Variants in ARHGEF10 observed in about 807,000 individuals in gnomAD.
ARHGEF10 encodes the protein Rho guanine nucleotide exchange factor (GEF) 10.
ARHGEF10 carries 140 observed loss-of-function variants against 147.4 expected under a neutral mutation model. The ratio of observed to expected loss-of-function variants is 0.95; its 90% CI spans 0.83 to 1.09. The LOEUF is 1.09. ARHGEF10 is among the 50% of genes least tolerant of loss of function. The pLI is 0.00. For synonymous variants in ARHGEF10, 902 were observed against 695.8 expected (o/e 1.30, Z -4.67); for missense variants, 2,222 against 1,752.7 (o/e 1.27, Z -4.78).
At chr8:1,877,923 G>A (rs1015883292) in intron 8 of ARHGEF10, among the ~76,000 whole-genome samples, 3 of 152,006 alleles carry the variant, frequency 2.0e-5, no homozygotes, top group East Asian at 3.9e-4. Flanking sequence ...TTATCCCTCC[G>A]GTCCCCTAGT....
intron 2 of ARHGEF10, among the ~76,000 whole-genome samples, chr8:1,849,864 C>T (rs565647286): frequency 2.1e-5 from 3 of 139,580 alleles, no homozygotes; most frequent in African/African-American, 8.7e-5. Flanking sequence ...ACACAGACAG[C>T]AAATGCTGAG....
At chr8:1,881,822 G>C (rs1330531785) in intron 9 of ARHGEF10, among the ~76,000 whole-genome samples, 1 of 152,230 alleles carries the variant, frequency 6.6e-6, no homozygotes, top group Non-Finnish European at 1.5e-5. Context: ...TGCACTGCTG[G>C]TCCCTTTGAG....
In ARHGEF10 at chr8:1,944,909, G is replaced by A. The variant is rs527944681; in HGVS notation, c.3223-572G>A. ...TGGCTGTGGGGTGACGAGGGCCCAG[G>A]CCCAGGCACCCGTGGGACCCCTCAG... On this transcript the variant is annotated intron_variant, in intron 26 of 28. Transcript: ENST00000349830. 1.9e-3 allele frequency among the ~76,000 whole-genome samples: 282 copies of A among 152,362 alleles called. 1 individual carries two copies. The highest frequency in any genetic ancestry group is 3.4e-3 in the Non-Finnish European group (232 of 68,034).
intron 8 of ARHGEF10, 44 bp from the exon 9 acceptor site, chr8:1,880,004 A>G (rs747417882): frequency 1.4e-6 from 2 of 1,412,294 alleles, no homozygotes; most frequent in South Asian, 2.3e-5. Context: ...CAAAGAACCA[A>G]AAAGAGCCTT....
intron 16 of ARHGEF10, 183 bp downstream of exon 16, chr8:1,903,634 A>T: frequency 1.4e-6 from 1 of 696,238 alleles, no homozygotes; most frequent in Non-Finnish European, 2.4e-6. Flanking sequence ...TGTATGTAAA[A>T]CCTTAACAGC....
intron 1 of ARHGEF10, among the ~76,000 whole-genome samples, chr8:1,824,969 T>C: frequency 1.8e-5 from 1 of 56,116 alleles, no homozygotes; most frequent in African/African-American, 8.0e-5. Flanking sequence ...ACCCCACCTG[T>C]CCCCTCGCAC....
intron 28 of ARHGEF10, among the ~76,000 whole-genome samples, chr8:1,955,321 C>A (rs1483805008): frequency 6.8e-6 from 1 of 146,178 alleles, no homozygotes; most frequent in African/African-American, 2.5e-5. Context: ...CTAGGTGCTC[C>A]CTAAAAGGAG....
chr8:1,832,546 G>T (rs1338963108), intron 1 of ARHGEF10, among the ~76,000 whole-genome samples: 1 of 107,118 alleles, frequency 9.3e-6, no homozygotes, highest in South Asian at 3.3e-4. Flanking sequence ...AGAGGCAGAG[G>T]CAGAGACAGA....
intron 1 of ARHGEF10, 46 bp from the exon 2 acceptor site, chr8:1,843,307 G>A (rs779430841): frequency 2.1e-5 from 31 of 1,509,908 alleles, no homozygotes; most frequent in African/African-American, 5.5e-5. Flanking sequence ...TTGAGTGCAT[G>A]TTTATCCACC....
intron 11 of ARHGEF10, among the ~76,000 whole-genome samples, chr8:1,891,972 A>G (rs1809565027): frequency 6.7e-6 from 1 of 149,232 alleles, no homozygotes; most frequent in African/African-American, 2.4e-5. Flanking sequence ...TATAAATAAT[A>G]CATATACATA....
intron 27 of ARHGEF10, among the ~76,000 whole-genome samples, chr8:1,950,104 C>T (rs1000522425): frequency 2.0e-5 from 3 of 152,156 alleles, no homozygotes; most frequent in Admixed American, 6.5e-5. Flanking sequence ...CCACTTCACA[C>T]GTGTAACCCA....
At position 1,876,715 on chromosome 8, in the gene ARHGEF10, G is replaced by A. The variant is rs145821459; in HGVS notation, c.824G>A (p.Arg275His). Residue 275 changes from arginine to histidine, a missense_variant, in exon 8 of 29, where the codon CGC becomes CAC. Arg to His is a conservative substitution (Grantham distance 29, BLOSUM62 0). Coordinates refer to ENST00000349830, the MANE Select transcript of ARHGEF10 (RefSeq NM_014629.4). The part of the protein sequence containing the change: ...CKNGIPRSFL[R>H]SNHKKQLSHD... The stretch of plus-strand genomic sequence containing the variant: ...AATGGGATTCCCAGGTCCTTCCTGC[G>A]CAGCAACCACAAAAAGCAAGTACGT... The A allele has an allele frequency of 4.7e-4, 765 of 1,614,170 alleles. 5 individuals carry two copies. In the East Asian group the frequency reaches 0.014, roughly 30 times the overall value.
intron 2 of ARHGEF10, among the ~76,000 whole-genome samples, chr8:1,853,289 A>G (rs751526537): frequency 2.4e-4 from 37 of 152,142 alleles, no homozygotes; most frequent in Non-Finnish European, 1.0e-4. Flanking sequence ...GCCTACCCAG[A>G]GCGCCGGGCC....
chr8:1,958,118 C>T lies in ARHGEF10; in HGVS notation c.*855C>T, dbSNP rs1815721900. 1 of 152,228 alleles carries T rather than the reference C, an allele frequency of 6.6e-6. No homozygotes were observed. Among genetic ancestry groups the T allele is most frequent in the African/African-American group, 2.4e-5 (1 of 41,448 alleles). 9.4% of individuals were successfully genotyped at this position (152,228 alleles called of 1,614,324 possible). A position where few individuals can be genotyped will look rare whatever the true frequency, so the allele number is the denominator to read the frequency against. On this transcript the variant is annotated 3_prime_UTR_variant, in exon 29 of 29. Transcript: ENST00000349830. ...ATAGGCAGAGAAGTCTTGCTTAGTT[C>T]CTTCGTGCAGCTTCTTGCCCCTGTT... is the stretch of plus-strand genomic sequence containing the variant.
chr8:1,860,338 CTCCA>C (rs1330823388), intron 4 of ARHGEF10, among the ~76,000 whole-genome samples, 154 bp downstream of exon 4: 7 of 148,504 alleles, frequency 4.7e-5, no homozygotes, highest in South Asian at 2.2e-4. Context: ...TCCTCCTCCT[CTCCA>C]TGCCCCCGAT....
intron 15 of ARHGEF10, among the ~76,000 whole-genome samples, chr8:1,902,006 A>G (rs564281711): frequency 6.6e-6 from 1 of 152,006 alleles, no homozygotes; most frequent in African/African-American, 2.4e-5. Flanking sequence ...TCTCACTCTA[A>G]GTTCTGGGAT....
chr8:1,902,075 G>A (rs1040993405), intron 15 of ARHGEF10, among the ~76,000 whole-genome samples: 3 of 151,988 alleles, frequency 2.0e-5, no homozygotes, highest in Non-Finnish European at 4.4e-5. Flanking sequence ...GTGGGCTGCT[G>A]CACCTAGCAA....
intron 26 of ARHGEF10, among the ~76,000 whole-genome samples, chr8:1,941,076 C>G (rs1481746838): frequency 6.6e-6 from 1 of 152,154 alleles, no homozygotes; most frequent in African/African-American, 2.4e-5. Flanking sequence ...ACAAAGATGC[C>G]TTCTGCCATT....
intron 24 of ARHGEF10, 74 bp from the exon 25 acceptor site, chr8:1,929,212 T>G: frequency 6.6e-7 from 1 of 1,504,140 alleles, no homozygotes; most frequent in Non-Finnish European, 9.2e-7. Flanking sequence ...AATGTTTGTG[T>G]TTATGTTAAC....
Sources: allele counts gnomAD v4.1 joint callset (sites outside exome capture counted in the v4.1 genomes callset), GRCh38; gene constraint gnomAD v4.1.1; transcripts MANE v1.5; gene names NCBI Gene and HGNC (gene_info 2026-07-23, HGNC 2026-07-21).